The following FAS variants were observed in gnomAD, a reference collection of about 807,000 sequenced individuals.
The protein encoded by FAS is tumor necrosis factor receptor superfamily member 6.
Under a neutral mutation model 33.2 loss-of-function variants are expected in FAS, and 5 were observed. That is an observed-to-expected ratio of 0.15 (90% CI 0.08 to 0.32). The LOEUF (loss-of-function observed/expected upper bound fraction) is 0.32, where lower values mean the gene tolerates loss of function less well. FAS is among the 10% of genes least tolerant of loss of function. The pLI is 1.00. For synonymous variants in FAS, 131 were observed against 130.7 expected, an observed-to-expected ratio of 1.00 and a Z score of -0.01; for missense variants, 339 against 386.0, an observed-to-expected ratio of 0.88 and a Z score of 1.02.
chr10:88,994,550 A>G (rs1301910921), intron 1 of FAS, among the ~76,000 whole-genome samples: 1 of 152,174 alleles, frequency 6.6e-6, no homozygotes, highest in East Asian at 1.9e-4. Flanking sequence ...ATGTGAAACA[A>G]AAAGCAAATA....
chr10:88,971,912 CTT>C (rs547839484), intron 1 of FAS, among the ~76,000 whole-genome samples: 50 of 139,780 alleles, frequency 3.6e-4, no homozygotes, highest in Admixed American at 5.1e-4. Flanking sequence ...AAGGGGACTA[CTT>C]TTTTTTTTTT....
intron 3 of FAS, among the ~76,000 whole-genome samples, chr10:89,008,455 A>T (rs1294234828): frequency 6.6e-6 from 1 of 152,214 alleles, no homozygotes; most frequent in African/African-American, 2.4e-5. Flanking sequence ...TTAGGGAGCT[A>T]CTAAAAATGT....
intron 1 of FAS, among the ~76,000 whole-genome samples, chr10:88,969,214 T>C (rs938156198): frequency 5.3e-5 from 8 of 152,212 alleles, no homozygotes; most frequent in Non-Finnish European, 1.0e-4. Flanking sequence ...GTTATTCCCA[T>C]AGGATCAGCA....
At chr10:88,989,037 T>C (rs911894018), upstream of FAS, among the ~76,000 whole-genome samples, 7 of 152,190 alleles carry the variant, frequency 4.6e-5, no homozygotes, top group African/African-American at 1.4e-4. Flanking sequence ...AGCAAGAATA[T>C]CTAAGTTTAA....
At position 88,999,581 on chromosome 10, in the gene FAS, C is replaced by T. The variant is rs527779479; in HGVS notation, c.31-3448C>T. ...CTAGAACTTATATGTGTCTTTCTTC[C>T]CAGAGCAGTCTCTATGGGTGCCTAA... On this transcript the variant is annotated intron_variant, in intron 1 of 8. Coordinates refer to ENST00000652046, the MANE Select transcript of FAS (RefSeq NM_000043.6). 1.5e-3 allele frequency among the ~76,000 whole-genome samples: 225 copies of T among 152,166 alleles called. 1 individual carries two copies. Among genetic ancestry groups the T allele is most frequent in the Admixed American group, 2.5e-3 (38 of 15,288 alleles).
intron 2 of FAS, among the ~76,000 whole-genome samples, chr10:88,979,459 C>T (rs1207758048): frequency 1.3e-5 from 2 of 152,050 alleles, no homozygotes; most frequent in African/African-American, 4.8e-5. Context: ...GTCAGGAACC[C>T]TTAAAATGTA....
intron 1 of FAS, among the ~76,000 whole-genome samples, chr10:88,995,092 G>GTATA (rs10694522): frequency 0.024 from 3,705 of 151,332 alleles, 144 homozygotes; most frequent in African/African-American, 0.084. Flanking sequence ...TGCTATGTAT[G>GTATA]TATATATATA....
In FAS at chr10:88,992,469, G is replaced by A. The variant is rs1847299133; in HGVS notation, c.30+1563G>A. 2 of 152,094 alleles carry A rather than the reference G, an allele frequency of 1.3e-5. 1 individual carries two copies. The highest frequency in any genetic ancestry group is 4.1e-4 in the South Asian group (2 of 4,826). 9.4% of individuals were successfully genotyped at this position (152,094 alleles called of 1,614,324 possible). A position where few individuals can be genotyped will look rare whatever the true frequency, so the allele number is the denominator to read the frequency against. Reference sequence around the variant, plus strand: ...TTGGAGCTATGCTTGTTGAACTTTTGTACCAATAGCACCTTTACCAGAGGC... The same window carrying A: ...TTGGAGCTATGCTTGTTGAACTTTTATACCAATAGCACCTTTACCAGAGGC... On this transcript the variant is annotated intron_variant, in intron 1 of 8. Coordinates refer to ENST00000652046, the MANE Select transcript of FAS (RefSeq NM_000043.6).
upstream of FAS, among the ~76,000 whole-genome samples, chr10:88,986,411 T>C (rs11202922): frequency 0.11 from 17,458 of 152,298 alleles, 1,436 homozygotes; most frequent in East Asian, 0.42. Flanking sequence ...CTAACCCAAT[T>C]GCTGTCTGCT....
At chr10:88,974,778 G>C (rs1846526314) in intron 2 of FAS, 2 of 152,100 alleles carry the variant, frequency 1.3e-5, no homozygotes, top group Admixed American at 6.5e-5. Flanking sequence ...AAGCATTTTT[G>C]GGATCCTGAT....
upstream of FAS, among the ~76,000 whole-genome samples, chr10:88,988,351 C>T (rs186058278): frequency 2.0e-5 from 3 of 149,506 alleles, no homozygotes; most frequent in East Asian, 3.9e-4. Context: ...TGGTTGACAA[C>T]ATTTTTTAAA....
At chr10:89,001,921 A>T (rs1847951764) in intron 1 of FAS, among the ~76,000 whole-genome samples, 1 of 152,154 alleles carries the variant, frequency 6.6e-6, no homozygotes, top group Non-Finnish European at 1.5e-5. Context: ...TCAGTGCCCA[A>T]ACTGGAGGGA....
intron 7 of FAS, 71 bp from the exon 8 acceptor site, chr10:89,013,272 A>G: frequency 6.9e-7 from 1 of 1,445,282 alleles, no homozygotes; most frequent in South Asian, 1.2e-5. Flanking sequence ...AAAAATTAGA[A>G]GTTCACATTT....
In FAS at chr10:89,003,048, G is replaced by A; in HGVS notation, c.50G>A (p.Arg17Lys). ...LLPLVLTSVA[R>K]LSSKSVNAQV... ...TTACAGGTTCTTACGTCTGTTGCTAGATTATCGTCCAAAAGTGTTAATGCC... is the reference window on the plus strand; with the variant it reads ...TTACAGGTTCTTACGTCTGTTGCTAAATTATCGTCCAAAAGTGTTAATGCC... The change falls in exon 2 of 9, where the codon AGA (arginine) becomes AAA (lysine). Residue 17 changes from arginine (R) to lysine (K), a missense_variant. Transcript: ENST00000652046. 6.2e-7 allele frequency: 1 copy of A among 1,614,142 alleles called. No individual in the cohort carries two copies. The highest frequency in any genetic ancestry group is 8.5e-7 in the Non-Finnish European group (1 of 1,179,984).
At chr10:88,995,722 A>C (rs1847546411) in intron 1 of FAS, among the ~76,000 whole-genome samples, 1 of 152,118 alleles carries the variant, frequency 6.6e-6, no homozygotes, top group Non-Finnish European at 1.5e-5. Flanking sequence ...GCTACTCGGG[A>C]GGTCGCGGCA....
intron 1 of FAS, among the ~76,000 whole-genome samples, chr10:88,971,407 C>G (rs980012056): frequency 3.3e-5 from 5 of 152,224 alleles, no homozygotes; most frequent in African/African-American, 4.8e-5. Flanking sequence ...CCATCTGATT[C>G]TGTTGCAGTC....
At chr10:89,006,691 G>A (rs1244215993) in intron 2 of FAS, among the ~76,000 whole-genome samples, 4 of 151,956 alleles carry the variant, frequency 2.6e-5, no homozygotes, top group African/African-American at 9.7e-5. Flanking sequence ...ATTTATTTGT[G>A]TATTGTCTGC....
At chr10:88,971,456 G>C (rs1295110825) in intron 1 of FAS, among the ~76,000 whole-genome samples, 1 of 152,220 alleles carries the variant, frequency 6.6e-6, no homozygotes, top group African/African-American at 2.4e-5. Flanking sequence ...GTTAGGATCT[G>C]AGTGTTTGGG....
upstream of FAS, among the ~76,000 whole-genome samples, chr10:88,983,484 C>A (rs540284602): frequency 6.6e-6 from 1 of 152,104 alleles, no homozygotes; most frequent in Non-Finnish European, 1.5e-5. Flanking sequence ...TGGAAGTTCA[C>A]TTCTGTTACC....
Sources: allele counts gnomAD v4.1 joint callset (sites outside exome capture counted in the v4.1 genomes callset), GRCh38; gene constraint gnomAD v4.1.1; transcripts MANE v1.5; gene names NCBI Gene and HGNC (gene_info 2026-07-23, HGNC 2026-07-21).